Variants in ADAMTS10 observed in about 807,000 individuals in gnomAD.
The protein encoded by ADAMTS10 is ADAM metallopeptidase with thrombospondin type 1 motif 10.
In ADAMTS10, 48 loss-of-function variants were observed where a neutral mutation model predicts 135.9. That is an observed-to-expected ratio of 0.35 (90% CI 0.28 to 0.45). ADAMTS10 has a LOEUF of 0.45. ADAMTS10 is among the 20% of genes least tolerant of loss of function. ADAMTS10 has a pLI of 1.00. For missense variants in ADAMTS10, 1,131 were observed against 1,565.2 expected, an observed-to-expected ratio of 0.72 and a Z score of 4.68; for synonymous variants, 621 against 647.5, an observed-to-expected ratio of 0.96 and a Z score of 0.62.
At position 8,585,150 on chromosome 19, in the gene ADAMTS10, C is replaced by T. The variant is rs569168750; in HGVS notation, c.3024G>A (p.Val1008=). ...CTCCTACCTCACCCCACTCGCCAGC[C>T]ACCCAGCGGGCCGGGGGGCAGCGGC... ...NLRRCPPARW[V]AGEWGECSAQ... is the part of the protein sequence containing the mutation. The change falls in exon 24 of 26, where the codon GTG becomes GTA. Residue 1008 remains valine (V), a synonymous_variant. Coordinates refer to ENST00000597188, the MANE Select transcript of ADAMTS10 (RefSeq NM_030957.4). The T allele has an allele frequency of 1.4e-6, 2 of 1,411,518 alleles. No individual in the cohort carries two copies. Among genetic ancestry groups the T allele is most frequent in the African/African-American group, 1.5e-5 (1 of 66,754 alleles). The allele number at this position is 1,411,518 out of a possible 1,614,324, so 87.4% of individuals were successfully genotyped here.
Position 8,601,829 on chromosome 19 carries a change from C to T in ADAMTS10, c.593-684G>A, listed in dbSNP as rs1408289332. On this transcript the variant is annotated intron_variant, in intron 5 of 25. Coordinates refer to ENST00000597188, the MANE Select transcript of ADAMTS10 (RefSeq NM_030957.4). The surrounding 1 kb of genome is among the most constrained non-coding windows in gnomAD (Gnocchi z 4.6). ...CCCACTGTTGGTTGTATGGCTGTTC[C>T]ACTGCCTGTTTGCCAACCTGTTCAG... is the stretch of plus-strand genomic sequence containing the variant. 1.3e-5 allele frequency among the ~76,000 whole-genome samples: 2 copies of T among 152,128 alleles called. No individual in the cohort carries two copies. Among genetic ancestry groups the T allele is most frequent in the African/African-American group, 2.4e-5 (1 of 41,426 alleles).
rs1555736806 is a variant in ADAMTS10 at position 8,585,542 on chromosome 19, C to A, written c.2779G>T (p.Ala927Ser). ...ACAGGTGGGCGCGGCTGCGGGCATG[C>A]GCTGTCGTCCAGCGCCTTCTCCTCC... is the stretch of plus-strand genomic sequence containing the variant. The part of the protein sequence containing the change: ...AAEEKALDDS[A>S]CPQPRPPVLE... The change falls in exon 23 of 26, where the codon GCA (alanine) becomes TCA (serine). Residue 927 changes from alanine (A) to serine (S), a missense_variant. Coordinates refer to ENST00000597188, the MANE Select transcript of ADAMTS10 (RefSeq NM_030957.4). 3 of 1,579,950 alleles carry A rather than the reference C, an allele frequency of 1.9e-6. No homozygotes were observed. The highest frequency in any genetic ancestry group is 3.6e-5 in the Admixed American group (2 of 54,980).
chr19:8,587,026 C>T, intron 18 of ADAMTS10, 130 bp from the exon 19 acceptor site: 2 of 970,212 alleles, frequency 2.1e-6, no homozygotes, highest in Non-Finnish European at 3.2e-6. Flanking sequence ...GCACCCCTGC[C>T]CCACCCTTGT....
intron 6 of ADAMTS10, among the ~76,000 whole-genome samples, chr19:8,597,929 G>A (rs965755194): frequency 8.0e-5 from 12 of 150,372 alleles, no homozygotes; most frequent in Admixed American, 6.6e-4. Context: ...TCAGCCTCCC[G>A]AGTAGCTGGG....
intron 25 of ADAMTS10, chr19:8,582,707 T>G (rs1600090444): frequency 6.6e-6 from 1 of 150,382 alleles, no homozygotes; most frequent in Non-Finnish European, 1.5e-5. Flanking sequence ...TGGAGTGCAG[T>G]GGCACAATCT....
intron 4 of ADAMTS10, among the ~76,000 whole-genome samples, chr19:8,604,205 T>C (rs2042696102): frequency 1.3e-5 from 2 of 150,692 alleles, no homozygotes; most frequent in South Asian, 4.2e-4. Flanking sequence ...AGCACACCAA[T>C]ATGTTTGGCT....
chr19:8,609,954 CAT>C (rs1284289647), intron 1 of ADAMTS10, among the ~76,000 whole-genome samples: 8 of 152,130 alleles, frequency 5.3e-5, no homozygotes, highest in African/African-American at 9.6e-5. Flanking sequence ...CACTCCCAGA[CAT>C]GTGTAAACAC....
chr19:8,589,400 A>AAACCCCCCCCCCCCCCCCACCCCCC, intron 17 of ADAMTS10, 35 bp from the exon 18 acceptor site: 1 of 1,605,382 alleles, frequency 6.2e-7, no homozygotes, highest in Non-Finnish European at 8.5e-7. Flanking sequence ...GCGACCCCCT[A>AAACCCCCCCCCCCCCCCCACCCCCC]ACCCACCCCC....
rs1555741474 is a variant in ADAMTS10 at position 8,601,082 on chromosome 19, G to T, written c.656C>A (p.Pro219His). 6.2e-7 allele frequency: 1 copy of T among 1,614,056 alleles called. No individual in the cohort carries two copies. Among genetic ancestry groups the T allele is most frequent in the Non-Finnish European group, 8.5e-7 (1 of 1,180,038 alleles). Reference protein sequence around the residue: ...LRTLKPPPARPLGNETERGQP... With the variant: ...LRTLKPPPARHLGNETERGQP... ...GCCACGCTCTGTTTCATTCCCCAGGGGCCTGGCAGGCGGTGGCTTCAAGGT... is the reference window on the plus strand; with the variant it reads ...GCCACGCTCTGTTTCATTCCCCAGGTGCCTGGCAGGCGGTGGCTTCAAGGT... Residue 219 changes from proline to histidine, a missense_variant, in exon 6 of 26, where the codon CCC (proline) becomes CAC (histidine). This residue lies in a region of ADAMTS10 where 306 missense variants were observed against 344.4 expected (regional missense o/e 0.89). Transcript: ENST00000597188. This position sits in a 1 kb window ranked among gnomAD's most constrained non-coding sequence, Gnocchi z 4.6.
chr19:8,600,362 A>G (rs1344172450), intron 6 of ADAMTS10, among the ~76,000 whole-genome samples: 1 of 152,156 alleles, frequency 6.6e-6, no homozygotes, highest in African/African-American at 2.4e-5. Flanking sequence ...GCACCTCTGC[A>G]TCTAGTCACT....
At chr19:8,607,240 G>A (rs1389829001) in intron 2 of ADAMTS10, among the ~76,000 whole-genome samples, 1 of 152,162 alleles carries the variant, frequency 6.6e-6, no homozygotes, top group Non-Finnish European at 1.5e-5. Context: ...GCTAAGGCTA[G>A]TATTCCAGTC....
Position 8,596,933 on chromosome 19 carries a change from C to T in ADAMTS10, c.1040+54G>A. ...GATCTCTGTTTGGACTCTCATGGTT[C>T]CCTGGACCATCTGTTTTCTCAGCCC... On this transcript the variant is annotated intron_variant, in intron 8 of 25. Coordinates refer to ENST00000597188, the MANE Select transcript of ADAMTS10 (RefSeq NM_030957.4). The surrounding 1 kb of genome is among the most constrained non-coding windows in gnomAD (Gnocchi z 7.2). 6.2e-7 allele frequency: 1 copy of T among 1,604,672 alleles called. No homozygotes were observed. The highest frequency in any genetic ancestry group is 1.8e-4 in the Middle Eastern group (1 of 5,616).
intron 12 of ADAMTS10, chr19:8,593,633 GT>G (rs1248224833): frequency 6.6e-6 from 1 of 152,188 alleles, no homozygotes; most frequent in Non-Finnish European, 1.5e-5. Context: ...GACTCTTAAA[GT>G]CCAGGTTAAT....
intron 12 of ADAMTS10, 62 bp from the exon 13 acceptor site, chr19:8,592,932 C>G: frequency 3.3e-6 from 5 of 1,494,366 alleles, no homozygotes; most frequent in Non-Finnish European, 4.6e-6. Context: ...GCAGCCCGCC[C>G]GGCTTGGGAG....
rs782556409 is a variant in ADAMTS10, at chr19:8,603,873, G to A, written c.447C>T (p.Ile149=). The A allele has an allele frequency of 3.7e-6, 6 of 1,611,568 alleles. No individual in the cohort carries two copies. Among genetic ancestry groups the A allele is most frequent in the Admixed American group, 1.7e-5 (1 of 59,958 alleles). ...TCAGGTACTCTTCCTCGTCTGCCAC[G>A]ATCAGGCCGTGCTGGGTTTTGAGAA... ...ISTCGGLHGL[I]VADEEEYLIE... is the part of the protein sequence containing the mutation. The change falls in exon 5 of 26, where the codon ATC becomes ATT. Residue 149 remains isoleucine, a synonymous_variant. Coordinates refer to ENST00000597188, the MANE Select transcript of ADAMTS10 (RefSeq NM_030957.4).
chr19:8,606,006 C>T (rs1600122217), intron 2 of ADAMTS10, among the ~76,000 whole-genome samples, 197 bp from the exon 3 acceptor site: 3 of 152,344 alleles, frequency 2.0e-5, no homozygotes, highest in East Asian at 3.9e-4. Flanking sequence ...GGGACTGGGA[C>T]GCTGGGAGTA....
In ADAMTS10 at chr19:8,606,665, A is replaced by G. The variant is rs2042725351; in HGVS notation, c.-99-856T>C. On this transcript the variant is annotated intron_variant, in intron 2 of 25. Coordinates refer to ENST00000597188, the MANE Select transcript of ADAMTS10 (RefSeq NM_030957.4). The stretch of plus-strand genomic sequence containing the variant: ...TCACACTCGTATCCCTCATCTTTTT[A>G]TAGATGAGGAAATAGACTCAGGAGT... Among the ~76,000 whole-genome samples, 5 of 152,076 alleles carry G rather than the reference A, an allele frequency of 3.3e-5. No homozygotes were observed. The South Asian group carries it at 6.2e-4, about 19-fold the overall frequency.
intron 22 of ADAMTS10, 137 bp from the exon 23 acceptor site, chr19:8,585,797 CCA>C: frequency 1.1e-6 from 1 of 941,242 alleles, no homozygotes; most frequent in Non-Finnish European, 1.6e-6. Context: ...CCTCCACATT[CCA>C]CACTTGGGGC....
In ADAMTS10 at chr19:8,596,932, T is replaced by C; in HGVS notation, c.1040+55A>G. 6.2e-7 allele frequency: 1 copy of C among 1,604,172 alleles called. No homozygotes were observed. The highest frequency in any genetic ancestry group is 1.3e-5 in the African/African-American group (1 of 74,984). ...TGATCTCTGTTTGGACTCTCATGGT[T>C]CCCTGGACCATCTGTTTTCTCAGCC... On this transcript the variant is annotated intron_variant, in intron 8 of 25. Coordinates refer to ENST00000597188, the MANE Select transcript of ADAMTS10 (RefSeq NM_030957.4). The surrounding 1 kb of genome is among the most constrained non-coding windows in gnomAD (Gnocchi z 7.2).
Sources: allele counts gnomAD v4.1 joint callset (sites outside exome capture counted in the v4.1 genomes callset), GRCh38; gene constraint gnomAD v4.1.1; regional missense constraint gnomAD v4.1.1; non-coding constraint Gnocchi (gnomAD v3.1); transcripts MANE v1.5; gene names NCBI Gene and HGNC (gene_info 2026-07-23, HGNC 2026-07-21).